APPL1: variants seen among roughly 807,000 people sequenced by gnomAD.
APPL1 encodes the protein adaptor protein, phosphotyrosine interacting with PH domain and leucine zipper 1, also known as DCC-interacting protein 13-alpha.
APPL1 carries 42 observed loss-of-function variants against 106.8 expected under a neutral mutation model. The observed-to-expected ratio is 0.39, with a 90% CI of 0.31 to 0.51. APPL1 has a LOEUF of 0.51. Among genes scored for constraint, APPL1 ranks in the 20% least tolerant of loss-of-function variants. APPL1 has a pLI of 0.75. For missense variants in APPL1, 769 were observed against 858.2 expected, an observed-to-expected ratio of 0.90 and a Z score of 1.30; for synonymous variants, 263 against 281.8, an observed-to-expected ratio of 0.93 and a Z score of 0.67.
intron 11 of APPL1, among the ~76,000 whole-genome samples, chr3:57,250,302 G>A (rs569486388): frequency 6.6e-6 from 1 of 152,022 alleles, no homozygotes; most frequent in South Asian, 2.1e-4. Flanking sequence ...CACTGTGCCT[G>A]GCAATTAAAA....
At chr3:57,260,522 A>G in intron 18 of APPL1, 106 bp from the exon 19 acceptor site, 1 of 1,045,028 alleles carries the variant, frequency 9.6e-7, no homozygotes, top group Non-Finnish European at 1.3e-6. Context: ...TGGCTTTAAT[A>G]TATTAAAATA....
At chr3:57,232,352 A>G (rs114798114) in intron 1 of APPL1, among the ~76,000 whole-genome samples, 3,625 of 152,264 alleles carry the variant, frequency 0.024, 63 homozygotes, top group South Asian at 0.035. Context: ...TATATTAACA[A>G]TTGCTATCAG....
Position 57,272,552 on chromosome 3 carries a change from G to GA in APPL1, c.*2866dup, listed in dbSNP as rs2060949681. 1 of 152,114 alleles carries GA rather than the reference G, an allele frequency of 6.6e-6. No homozygotes were observed. The highest frequency in any genetic ancestry group is 6.6e-5 in the Admixed American group (1 of 15,264). The allele number at this position is 152,114 out of a possible 1,614,324, so 9.4% of individuals were successfully genotyped here. ...AATTTGAATCCTATTAATGCTGAGA[G>GA]ATCCTAAGAGCTAGTATGTTGTAAA... is the stretch of plus-strand genomic sequence containing the variant. On this transcript the variant is annotated 3_prime_UTR_variant, in exon 22 of 22. Transcript: ENST00000288266.
chr3:57,231,321 C>G (rs1428768775), intron 1 of APPL1, among the ~76,000 whole-genome samples: 1 of 126,144 alleles, frequency 7.9e-6, no homozygotes, highest in Non-Finnish European at 1.6e-5. Context: ...CCCGGGCAAC[C>G]GTGCGAGACT....
chr3:57,253,862 C>CTTT (rs376268369), intron 13 of APPL1, 124 bp downstream of exon 13: 53 of 380,762 alleles, frequency 1.4e-4, no homozygotes, highest in Middle Eastern at 1.0e-3. Context: ...GAATGAGTAG[C>CTTT]TTTTTTTTTT....
At chr3:57,240,638 C>A in intron 5 of APPL1, 86 bp downstream of exon 5, 1 of 1,188,018 alleles carries the variant, frequency 8.4e-7, no homozygotes, top group Non-Finnish European at 1.2e-6. Flanking sequence ...TACACCATTT[C>A]TGGATGACAG....
Position 57,269,759 on chromosome 3 carries a change from C to A in APPL1, c.*72C>A. The A allele has an allele frequency of 6.6e-7, 1 of 1,509,434 alleles. No individual in the cohort carries two copies. The highest frequency in any genetic ancestry group is 9.1e-7 in the Non-Finnish European group (1 of 1,096,190). 93.5% of individuals were successfully genotyped at this position (1,509,434 alleles called of 1,614,324 possible). ...ATGGTGAAATGGCAGAAGGTAACAACTATGTTGAAATATCAAGGAGGAGAT... is the reference window on the plus strand; with the variant it reads ...ATGGTGAAATGGCAGAAGGTAACAAATATGTTGAAATATCAAGGAGGAGAT... On this transcript the variant is annotated 3_prime_UTR_variant, in exon 22 of 22. Coordinates refer to ENST00000288266, the MANE Select transcript of APPL1 (RefSeq NM_012096.3).
intron 3 of APPL1, 71 bp downstream of exon 3, chr3:57,237,622 G>A (rs775567450): frequency 2.1e-4 from 234 of 1,092,716 alleles, no homozygotes; most frequent in Non-Finnish European, 2.8e-4. Context: ...CTTTCAACAA[G>A]AATCCTTAAG....
At chr3:57,242,670 A>G (rs1470372213) in intron 6 of APPL1, among the ~76,000 whole-genome samples, 186 bp from the exon 7 acceptor site, 1 of 152,184 alleles carries the variant, frequency 6.6e-6, no homozygotes, top group Non-Finnish European at 1.5e-5. Flanking sequence ...TTAAAAACCA[A>G]TTTGAGAAGT....
intron 5 of APPL1, among the ~76,000 whole-genome samples, chr3:57,240,991 T>G (rs2060743466): frequency 1.3e-5 from 2 of 152,318 alleles, no homozygotes; most frequent in South Asian, 4.1e-4. Flanking sequence ...ACAGCCTATT[T>G]GACAGTAGCA....
At chr3:57,248,778 G>A (rs564247682) in intron 10 of APPL1, among the ~76,000 whole-genome samples, 2 of 152,118 alleles carry the variant, frequency 1.3e-5, no homozygotes, top group South Asian at 2.1e-4. Context: ...GCTGAGACAC[G>A]AGAATCACTT....
At chr3:57,232,069 A>T (rs1308001420) in intron 1 of APPL1, among the ~76,000 whole-genome samples, 1 of 152,236 alleles carries the variant, frequency 6.6e-6, no homozygotes, top group African/African-American at 2.4e-5. Flanking sequence ...TTAAGCTTAT[A>T]GTAGATGCCT....
At chr3:57,261,284 AT>A (rs1426260937) in intron 19 of APPL1, among the ~76,000 whole-genome samples, 1 of 152,208 alleles carries the variant, frequency 6.6e-6, no homozygotes, top group Non-Finnish European at 1.5e-5. Flanking sequence ...TGTGAATGAC[AT>A]GATTTCATTC....
intron 8 of APPL1, among the ~76,000 whole-genome samples, chr3:57,246,963 G>T (rs923618758): frequency 1.4e-5 from 2 of 147,112 alleles, no homozygotes; most frequent in African/African-American, 5.0e-5. Context: ...TTATTGTGCA[G>T]TCTGGATGAC....
At chr3:57,230,102 G>A (rs987229381) in intron 1 of APPL1, among the ~76,000 whole-genome samples, 2 of 152,138 alleles carry the variant, frequency 1.3e-5, no homozygotes, top group Admixed American at 6.5e-5. Context: ...AATTTACTTG[G>A]GAAAATTAAT....
intron 19 of APPL1, among the ~76,000 whole-genome samples, chr3:57,266,818 A>C (rs1426820926): frequency 1.3e-5 from 2 of 152,194 alleles, no homozygotes; most frequent in Non-Finnish European, 2.9e-5. Flanking sequence ...GTGGCTCTCC[A>C]ATCTTGCCAG....
chr3:57,236,303 C>A (rs1443536915), intron 2 of APPL1, among the ~76,000 whole-genome samples: 1 of 150,506 alleles, frequency 6.6e-6, no homozygotes, highest in African/African-American at 2.4e-5. Flanking sequence ...CTTGGCCTCC[C>A]AAAGTGCTGA....
intron 1 of APPL1, among the ~76,000 whole-genome samples, chr3:57,229,699 C>CTTTTTTTTTTT (rs753258836): frequency 1.1e-5 from 1 of 93,138 alleles, no homozygotes; most frequent in African/African-American, 4.7e-5. Flanking sequence ...ACTGTGCCAG[C>CTTTTTTTTTTT]TTTTTTTTTT....
chr3:57,268,389 G>C lies in APPL1; in HGVS notation c.1894-9G>C. On this transcript the variant is annotated splice_polypyrimidine_tract_variant and intron_variant, in intron 20 of 21. Coordinates refer to ENST00000288266, the MANE Select transcript of APPL1 (RefSeq NM_012096.3). The stretch of plus-strand genomic sequence containing the variant: ...TTTAATTCATTAGTTTTATTCATCT[G>C]TTCTTTAGGATCGTAGGGCATCAGA... The C allele has an allele frequency of 6.5e-7, 1 of 1,541,064 alleles. No individual in the cohort carries two copies. The highest frequency in any genetic ancestry group is 8.9e-7 in the Non-Finnish European group (1 of 1,129,488).
Sources: gnomAD v4.1 joint callset for allele counts (sites outside exome capture counted in the v4.1 genomes callset) on GRCh38, gnomAD v4.1.1 for gene constraint, MANE v1.5 for transcripts, NCBI Gene and HGNC (gene_info 2026-07-23, HGNC 2026-07-21) for gene names.